SLC2A9: variants seen among roughly 807,000 people sequenced by gnomAD.
SLC2A9 encodes the protein solute carrier family 2 member 9, also known as solute carrier family 2, facilitated glucose transporter member 9.
A neutral mutation model predicts 50.6 loss-of-function variants in SLC2A9; 39 were observed. The ratio of observed to expected loss-of-function variants is 0.77; its 90% CI spans 0.60 to 1.01. SLC2A9 has a LOEUF of 1.01. Ranked by LOEUF, SLC2A9 falls within the 50% of genes least tolerant of loss-of-function variation. The probability of loss-of-function intolerance (pLI) is 0.00; values close to 1 mark genes in which losing one functional copy is unlikely to be tolerated. For missense variants in SLC2A9, 686 were observed against 677.6 expected (o/e 1.01, Z -0.14); for synonymous variants, 324 against 276.9 (o/e 1.17, Z -1.69).
chr4:9,862,671 T>G (rs1204465838), intron 10 of SLC2A9, among the ~76,000 whole-genome samples: 1 of 152,006 alleles, frequency 6.6e-6, no homozygotes, highest in Non-Finnish European at 1.5e-5. Context: ...GGCTTCCTTC[T>G]CAGACCCAAG....
intron 11 of SLC2A9, among the ~76,000 whole-genome samples, chr4:9,829,035 C>T (rs1428346817): frequency 2.0e-5 from 3 of 152,182 alleles, no homozygotes; most frequent in African/African-American, 4.8e-5. Context: ...CTGCCTCTTG[C>T]TTGGCTTTCT....
chr4:10,034,171 T>C (rs1764024274), intron 1 of SLC2A9: 2 of 152,278 alleles, frequency 1.3e-5, no homozygotes, highest in Admixed American at 6.5e-5. Context: ...TACTATTTCA[T>C]GACTCAAAAG....
intron 10 of SLC2A9, among the ~76,000 whole-genome samples, chr4:9,850,027 A>G (rs564279128): frequency 6.8e-4 from 103 of 151,902 alleles, no homozygotes; most frequent in East Asian, 5.8e-3. Flanking sequence ...AGACTGGCAC[A>G]CTCAAGCCAC....
intron 10 of SLC2A9, among the ~76,000 whole-genome samples, chr4:9,849,765 T>C (rs1213700588): frequency 2.0e-5 from 3 of 152,178 alleles, no homozygotes; most frequent in Admixed American, 6.5e-5. Flanking sequence ...CCTACAGTGA[T>C]GTGTTCTGTT....
chr4:9,784,212 T>C (rs1170545478), intron 3 of SLC2A9, among the ~76,000 whole-genome samples: 1 of 152,202 alleles, frequency 6.6e-6, no homozygotes, highest in Admixed American at 6.5e-5. Flanking sequence ...TTTTATTACT[T>C]ATACCCATGT....
intron 2 of SLC2A9, among the ~76,000 whole-genome samples, chr4:10,012,474 C>T (rs73805487): frequency 6.6e-6 from 1 of 152,128 alleles, no homozygotes; most frequent in African/African-American, 2.4e-5. Flanking sequence ...ACTGCAGAAG[C>T]AAGGACCTTT....
intron 11 of SLC2A9, among the ~76,000 whole-genome samples, chr4:9,827,037 C>T (rs1725262048): frequency 2.0e-5 from 3 of 152,124 alleles, no homozygotes; most frequent in Admixed American, 2.0e-4. Flanking sequence ...ACAGAATAGG[C>T]CAAGGTAATG....
At chr4:9,938,500 T>C (rs971586898) in intron 6 of SLC2A9, among the ~76,000 whole-genome samples, 2 of 152,138 alleles carry the variant, frequency 1.3e-5, no homozygotes, top group Non-Finnish European at 2.9e-5. Context: ...CTCGATCTCC[T>C]GACCTCATGA....
At chr4:9,856,723 T>C (rs142039988) in intron 10 of SLC2A9, among the ~76,000 whole-genome samples, 2 of 152,290 alleles carry the variant, frequency 1.3e-5, no homozygotes, top group Admixed American at 1.3e-4. Flanking sequence ...TAAATGCCCA[T>C]TAACAGTAGA....
At position 9,834,870 on chromosome 4, in the gene SLC2A9, G is replaced by T; in HGVS notation, c.1419+11C>A. ...GAACCCCATGGGCAAAAGACTCCTT[G>T]TCAGTCATACCTGAATGAATGGGAA... On this transcript the variant is annotated intron_variant, in intron 11 of 11. Transcript: ENST00000264784. 6.2e-7 allele frequency: 1 copy of T among 1,614,138 alleles called. No homozygotes were observed. The highest frequency in any genetic ancestry group is 8.5e-7 in the Non-Finnish European group (1 of 1,180,024).
In SLC2A9 at chr4:10,021,286, TCTC is replaced by T. The variant is rs1763478575; in HGVS notation, c.141_143del (p.Arg49del). ...AAAAGCTGTCCGTAGTTACCTTTCT[TCTC>T]CTTCCACCTGGCACCCCACTCCTCA... is the stretch of plus-strand genomic sequence containing the variant. On this transcript the variant is annotated inframe_deletion, in exon 1 of 12. Transcript: ENST00000264784. The T allele has an allele frequency of 6.2e-7, 1 of 1,613,426 alleles. No homozygotes were observed. The highest frequency in any genetic ancestry group is 1.1e-5 in the South Asian group (1 of 91,044).
rs1373715866 is a variant in SLC2A9 at position 9,781,368 on chromosome 4, C to A, written n.386-1303G>T. ...CCCTCGCGTCCTCATCCTTACCCCA[C>A]CTCTTGTTCCCCAAGCGTGGCCAGG... is the stretch of plus-strand genomic sequence containing the variant. On this transcript the variant is annotated intron_variant and non_coding_transcript_variant, in intron 3 of 3. Coordinates refer to the SLC2A9 transcript ENST00000503803. Among the ~76,000 whole-genome samples the A allele has an allele frequency of 2.6e-5, 4 of 152,370 alleles. No homozygotes were observed. In the East Asian group the frequency reaches 7.7e-4, roughly 29 times the overall value.
At chr4:9,954,715 C>T (rs1317860544) in intron 5 of SLC2A9, among the ~76,000 whole-genome samples, 1 of 152,104 alleles carries the variant, frequency 6.6e-6, no homozygotes, top group African/African-American at 2.4e-5. Context: ...CCTACCATGA[C>T]CCCTGATGAG....
rs148411852 is a variant in SLC2A9 at position 9,945,348 on chromosome 4, T to C, written c.682-3303A>G. 2.0e-5 allele frequency among the ~76,000 whole-genome samples: 3 copies of C among 152,358 alleles called. No homozygotes were observed. In the East Asian group the frequency reaches 5.8e-4, roughly 29 times the overall value. The stretch of plus-strand genomic sequence containing the variant: ...CTGTTGGGAGGATTTAGTCCATGAA[T>C]GGATGTCGGGAGTGCTGAGCACAGG... On this transcript the variant is annotated intron_variant, in intron 5 of 11. Coordinates refer to ENST00000264784, the MANE Select transcript of SLC2A9 (RefSeq NM_020041.3).
chr4:9,904,775 G>A, intron 8 of SLC2A9, among the ~76,000 whole-genome samples: 1 of 152,166 alleles, frequency 6.6e-6, no homozygotes, highest in East Asian at 1.9e-4. Context: ...TTTCTCCCCA[G>A]AACATTTTTC....
At chr4:9,867,145 C>T (rs1200494027) in intron 10 of SLC2A9, among the ~76,000 whole-genome samples, 2 of 152,234 alleles carry the variant, frequency 1.3e-5, no homozygotes, top group Non-Finnish European at 2.9e-5. Flanking sequence ...TTTTTGACAC[C>T]TCACAGAAGT....
At chr4:9,868,728 C>A (rs1035726922) in intron 10 of SLC2A9, among the ~76,000 whole-genome samples, 1 of 152,174 alleles carries the variant, frequency 6.6e-6, no homozygotes, top group African/African-American at 2.4e-5. Context: ...GCTTCATAAG[C>A]CCAGAGCAGA....
chr4:9,887,495 T>A, intron 10 of SLC2A9, 72 bp downstream of exon 10: 1 of 1,439,640 alleles, frequency 6.9e-7, no homozygotes. Context: ...CCCATCTGTA[T>A]GAGGAGAGCC....
chr4:9,780,591 C>T (rs1025694457), intron 3 of SLC2A9, among the ~76,000 whole-genome samples: 1 of 152,152 alleles, frequency 6.6e-6, no homozygotes, highest in Non-Finnish European at 1.5e-5. Flanking sequence ...TAGACCTCAC[C>T]ATGCTGCAGG....
Sources: allele counts gnomAD v4.1 joint callset (sites outside exome capture counted in the v4.1 genomes callset), GRCh38; gene constraint gnomAD v4.1.1; transcripts MANE v1.5; gene names NCBI Gene and HGNC (gene_info 2026-07-23, HGNC 2026-07-21).